Variants in TP53BP2 observed in about 807,000 individuals in gnomAD.
The protein encoded by TP53BP2 is apoptosis-stimulating of p53 protein 2.
TP53BP2 carries 62 observed loss-of-function variants against 126.2 expected under a neutral mutation model. The observed-to-expected ratio is 0.49, with a 90% CI of 0.40 to 0.61. TP53BP2 has a LOEUF of 0.61. Among genes scored for constraint, TP53BP2 ranks in the 20% least tolerant of loss-of-function variants. The pLI, the probability that TP53BP2 is intolerant of heterozygous loss-of-function variation, is 0.00. For missense variants in TP53BP2, 1,215 were observed against 1,402.8 expected (o/e 0.87, Z 2.14); for synonymous variants, 485 against 502.9 (o/e 0.96, Z 0.48).
intron 1 of TP53BP2, among the ~76,000 whole-genome samples, chr1:223,826,239 G>C (rs566722263): frequency 5.1e-4 from 78 of 152,348 alleles, no homozygotes; most frequent in Non-Finnish European, 7.3e-4. Context: ...GCCAGATCAT[G>C]CATGTCTTTA....
At chr1:223,828,217 A>C (rs910964712) in intron 1 of TP53BP2, among the ~76,000 whole-genome samples, 1 of 152,212 alleles carries the variant, frequency 6.6e-6, no homozygotes. Flanking sequence ...CATTTTTATT[A>C]AAAATATTTC....
chr1:223,789,956 C>T (rs1387198778), intron 15 of TP53BP2, among the ~76,000 whole-genome samples: 2 of 152,086 alleles, frequency 1.3e-5, no homozygotes, highest in Non-Finnish European at 2.9e-5. Flanking sequence ...ACTCTTTCCT[C>T]TCCCCTTTAT....
intron 2 of TP53BP2, 22 bp downstream of exon 2, chr1:223,821,198 C>T (rs755988705): frequency 3.1e-5 from 50 of 1,613,748 alleles, no homozygotes; most frequent in Admixed American, 1.8e-4. Flanking sequence ...AACTAAAGCA[C>T]GAGGCTGTCA....
intron 3 of TP53BP2, 142 bp from the exon 4 acceptor site, chr1:223,810,655 T>A (rs1662880619): frequency 4.6e-6 from 3 of 646,326 alleles, no homozygotes; most frequent in Non-Finnish European, 7.7e-6. Flanking sequence ...CTAATAGCAA[T>A]GGACTTAAGG....
At chr1:223,824,339 T>C (rs547899941) in intron 1 of TP53BP2, among the ~76,000 whole-genome samples, 1 of 152,328 alleles carries the variant, frequency 6.6e-6, no homozygotes, top group South Asian at 2.1e-4. Context: ...TTCCCACAGG[T>C]TTAACACTGG....
In TP53BP2 at chr1:223,784,158, C is replaced by G; in HGVS notation, c.3320G>C (p.Arg1107Pro). 1 of 1,614,142 alleles carries G rather than the reference C, an allele frequency of 6.2e-7. No individual in the cohort carries two copies. The highest frequency in any genetic ancestry group is 1.3e-5 in the African/African-American group (1 of 75,012). ...AACATATCCCTCCTTATCATTAAGG[C>G]GCGCCCACCACCATTCGATTTCATC... ...DEDEIEWWWA[R>P]LNDKEGYVPR... The change falls in exon 17 of 18, where the codon CGC becomes CCC. Residue 1107 changes from arginine to proline, a missense_variant. This residue lies in a region of TP53BP2 where 151 missense variants were observed against 231.2 expected (regional missense o/e 0.65). Transcript: ENST00000343537.
chr1:223,845,789 GGCGGCGGCGGCA>G lies in TP53BP2; in HGVS notation c.-121_-110del. The G allele has an allele frequency of 8.9e-7, 1 of 1,120,472 alleles. No homozygotes were observed. Among genetic ancestry groups the G allele is most frequent in the Non-Finnish European group, 1.1e-6 (1 of 887,750 alleles). 69.4% of individuals were successfully genotyped at this position (1,120,472 alleles called of 1,614,324 possible). A position where few individuals can be genotyped will look rare whatever the true frequency, so the allele number is the denominator to read the frequency against. The stretch of plus-strand genomic sequence containing the variant: ...AGGCCGCCCGGACCTGTTGCGAGGC[GGCGGCGGCGGCA>G]GCGGCGGCGCGCGGGTCCGAAGGGC... On this transcript the variant is annotated 5_prime_UTR_variant, in exon 1 of 18. Coordinates refer to ENST00000343537, the MANE Select transcript of TP53BP2 (RefSeq NM_001031685.3).
Position 223,800,773 on chromosome 1 carries a change from A to G in TP53BP2, c.1263T>C (p.Pro421=). 1.9e-6 allele frequency: 3 copies of G among 1,611,222 alleles called. No homozygotes were observed. The highest frequency in any genetic ancestry group is 2.5e-6 in the Non-Finnish European group (3 of 1,179,320). The change falls in exon 10 of 18, where the codon CCT becomes CCC. Residue 421 remains proline, a synonymous_variant. Transcript: ENST00000343537. Reference sequence around the variant, plus strand: ...GGCTTGGGAAAAGATCTGCATTTGAAGGACTCCAATCAGGGCCAACTGGAT... The same window carrying G: ...GGCTTGGGAAAAGATCTGCATTTGAGGGACTCCAATCAGGGCCAACTGGAT... ...KIHPVGPDWS[P]SNADLFPSQG... is the part of the protein sequence containing the mutation.
At chr1:223,826,434 G>A (rs996775995) in intron 1 of TP53BP2, among the ~76,000 whole-genome samples, 5 of 152,134 alleles carry the variant, frequency 3.3e-5, no homozygotes, top group South Asian at 4.1e-4. Flanking sequence ...GAGAACCATC[G>A]TCTAAGGCTA....
At chr1:223,804,380 T>C (rs745754892) in intron 5 of TP53BP2, 32 bp from the exon 6 acceptor site, 2 of 1,603,118 alleles carry the variant, frequency 1.2e-6, no homozygotes, top group Non-Finnish European at 1.7e-6. Context: ...AGGTATGTCA[T>C]TTTAGGTAAG....
chr1:223,838,797 T>C (rs1320980339), intron 1 of TP53BP2, among the ~76,000 whole-genome samples: 1 of 152,184 alleles, frequency 6.6e-6, no homozygotes, highest in East Asian at 1.9e-4. Context: ...ATACAAAAGC[T>C]AATTATCACA....
At chr1:223,819,408 C>T (rs975326581) in intron 2 of TP53BP2, among the ~76,000 whole-genome samples, 6 of 151,922 alleles carry the variant, frequency 3.9e-5, no homozygotes, top group African/African-American at 1.5e-4. Context: ...ACTGAGGGGC[C>T]AGGCGCGGTG....
intron 1 of TP53BP2, among the ~76,000 whole-genome samples, chr1:223,836,351 C>T (rs934449032): frequency 6.6e-6 from 1 of 152,166 alleles, no homozygotes. Flanking sequence ...ACGAGGTGAC[C>T]GGATGCTCTT....
chr1:223,817,680 C>T (rs1163324335), intron 2 of TP53BP2, among the ~76,000 whole-genome samples: 1 of 152,078 alleles, frequency 6.6e-6, no homozygotes, highest in Non-Finnish European at 1.5e-5. Flanking sequence ...AATCCCAGCA[C>T]TTTGAGAGGC....
intron 1 of TP53BP2, among the ~76,000 whole-genome samples, chr1:223,835,956 TAAAAG>T (rs1663908702): frequency 1.3e-5 from 2 of 151,898 alleles, no homozygotes; most frequent in Admixed American, 1.3e-4. Context: ...AGGCTTAACA[TAAAAG>T]AAGTACTATT....
At position 223,799,969 on chromosome 1, in the gene TP53BP2, G is replaced by A; in HGVS notation, c.1415C>T (p.Ser472Phe). 2 of 1,613,482 alleles carry A rather than the reference G, an allele frequency of 1.2e-6. No homozygotes were observed. Among genetic ancestry groups the A allele is most frequent in the African/African-American group, 2.7e-5 (2 of 74,996 alleles). ...AGTACCAAAGGAAGGTGGGGCATTG[G>A]ACTGGTCTACTGCATCAAACATTGA... is the stretch of plus-strand genomic sequence containing the variant. ...PFSMFDAVDQSNAPPSFGTLR... is the reference protein window; with the variant it reads ...PFSMFDAVDQFNAPPSFGTLR... Residue 472 changes from serine to phenylalanine, a missense_variant, in exon 11 of 18, where the codon TCC (serine) becomes TTC (phenylalanine). Transcript: ENST00000343537.
Position 223,796,926 on chromosome 1 carries a change from T to A in TP53BP2, c.1949-336A>T, listed in dbSNP as rs1369571297. 2.0e-5 allele frequency among the ~76,000 whole-genome samples: 3 copies of A among 152,228 alleles called. No homozygotes were observed. The highest frequency in any genetic ancestry group is 4.4e-5 in the Non-Finnish European group (3 of 68,024). On this transcript the variant is annotated intron_variant, in intron 12 of 17. Coordinates refer to ENST00000343537, the MANE Select transcript of TP53BP2 (RefSeq NM_001031685.3). The surrounding 1 kb of genome is among the most constrained non-coding windows in gnomAD (Gnocchi z 4.2). ...AACATTTAGATGCAATGAAAACAGA[T>A]AATCCTCATGTGTCCAGATTAAAAC...
chr1:223,797,559 T>G (rs1234044097), intron 12 of TP53BP2, among the ~76,000 whole-genome samples: 3 of 151,992 alleles, frequency 2.0e-5, no homozygotes, highest in African/African-American at 7.2e-5. Context: ...ATTACAGGCA[T>G]GTACCACCAC....
intron 3 of TP53BP2, 62 bp downstream of exon 3, chr1:223,814,178 T>C: frequency 8.0e-7 from 1 of 1,250,994 alleles, no homozygotes; most frequent in South Asian, 1.2e-5. Context: ...ATGTGCCACC[T>C]ACTACTCCCA....
Sources: allele counts gnomAD v4.1 joint callset (sites outside exome capture counted in the v4.1 genomes callset), GRCh38; gene constraint gnomAD v4.1.1; regional missense constraint gnomAD v4.1.1; non-coding constraint Gnocchi (gnomAD v3.1); transcripts MANE v1.5; gene names NCBI Gene and HGNC (gene_info 2026-07-23, HGNC 2026-07-21).